Variants in FGF12 observed in about 807,000 individuals in gnomAD.
FGF12 encodes the protein fibroblast growth factor 12B.
A neutral mutation model predicts 23.6 loss-of-function variants in FGF12; 14 were observed. The observed-to-expected ratio is 0.59, with a 90% CI of 0.39 to 0.93. FGF12 has a LOEUF of 0.93. Among genes scored for constraint, FGF12 ranks in the 40% least tolerant of loss-of-function variants. FGF12 has a pLI of 0.00. For missense variants in FGF12, 175 were observed against 217.8 expected (o/e 0.80, Z 1.24); for synonymous variants, 62 against 77.3 (o/e 0.80, Z 1.04).
chr3:192,336,332 T>C lies in FGF12; in HGVS notation c.125-868A>G, dbSNP rs1016027379. Among the ~76,000 whole-genome samples the C allele has an allele frequency of 2.6e-5, 4 of 152,082 alleles. No individual in the cohort carries two copies. The highest frequency in any genetic ancestry group is 6.6e-5 in the Admixed American group (1 of 15,240). ...ATCACTCAAAATACTCAATAGTCTATATGTCCACTTAGAGAAGGAATTCGT... is the reference window on the plus strand; with the variant it reads ...ATCACTCAAAATACTCAATAGTCTACATGTCCACTTAGAGAAGGAATTCGT... On this transcript the variant is annotated intron_variant, in intron 3 of 5. Coordinates refer to ENST00000445105, the MANE Select transcript of FGF12 (RefSeq NM_004113.6). This position sits in a 1 kb window ranked among gnomAD's most constrained non-coding sequence, Gnocchi z 4.3.
intron 4 of FGF12, among the ~76,000 whole-genome samples, chr3:192,282,519 T>C (rs770900088): frequency 6.6e-6 from 1 of 152,146 alleles, no homozygotes. Context: ...GTGTACTATG[T>C]ACCAAAATCA....
intron 2 of FGF12, among the ~76,000 whole-genome samples, chr3:192,361,780 T>C (rs538170791): frequency 3.3e-5 from 5 of 152,192 alleles, no homozygotes; most frequent in African/African-American, 1.2e-4. Flanking sequence ...GTTGGGACTT[T>C]TGCACATGTG....
At chr3:192,497,475 T>C (rs1723997948) in intron 2 of FGF12, among the ~76,000 whole-genome samples, 1 of 152,264 alleles carries the variant, frequency 6.6e-6, no homozygotes, top group East Asian at 1.9e-4. Flanking sequence ...AAATGGCTCA[T>C]GCCACCGTTG....
At chr3:192,312,108 T>C (rs1419355237) in intron 4 of FGF12, among the ~76,000 whole-genome samples, 1 of 152,150 alleles carries the variant, frequency 6.6e-6, no homozygotes, top group African/African-American at 2.4e-5. Context: ...TCTCCCATTC[T>C]GTGGATTGAT....
chr3:192,538,387 A>T (rs999850872), intron 2 of FGF12, among the ~76,000 whole-genome samples: 2 of 152,092 alleles, frequency 1.3e-5, no homozygotes, highest in Non-Finnish European at 2.9e-5. Context: ...CTTTTCCCCA[A>T]TGTATGTCCT....
At chr3:192,483,857 C>G (rs1723549036) in intron 2 of FGF12, among the ~76,000 whole-genome samples, 1 of 152,106 alleles carries the variant, frequency 6.6e-6, no homozygotes, top group African/African-American at 2.4e-5. Flanking sequence ...GGCTGTGCCA[C>G]ACATCAATAG....
At chr3:192,286,760 T>C (rs1373262409) in intron 4 of FGF12, among the ~76,000 whole-genome samples, 1 of 152,034 alleles carries the variant, frequency 6.6e-6, no homozygotes, top group Non-Finnish European at 1.5e-5. Context: ...TTAATTATCT[T>C]CATTTTTATC....
chr3:192,531,399 G>A (rs931650742), intron 2 of FGF12, among the ~76,000 whole-genome samples: 1 of 152,126 alleles, frequency 6.6e-6, no homozygotes, highest in Admixed American at 6.5e-5. Flanking sequence ...CTAATAGTCT[G>A]CCTTGAGGTT....
At chr3:192,378,111 TTCTC>T (rs201527040) in intron 2 of FGF12, among the ~76,000 whole-genome samples, 1 of 106,862 alleles carries the variant, frequency 9.4e-6, no homozygotes, top group Non-Finnish European at 1.9e-5. Context: ...CTTTCCTTCT[TTCTC>T]TCTTTGTTTT....
chr3:192,369,453 T>C (rs1719126281), intron 2 of FGF12, among the ~76,000 whole-genome samples: 1 of 152,202 alleles, frequency 6.6e-6, no homozygotes, highest in African/African-American at 2.4e-5. Context: ...AGACAGGCAA[T>C]CCTCAATCTT....
intron 2 of FGF12, among the ~76,000 whole-genome samples, chr3:192,485,431 T>C (rs954953764): frequency 2.6e-5 from 4 of 152,200 alleles, no homozygotes; most frequent in Non-Finnish European, 5.9e-5. Context: ...GACATTTTAC[T>C]TAGCAGGCAT....
chr3:192,531,148 T>C (rs1725079590), intron 2 of FGF12, among the ~76,000 whole-genome samples: 2 of 152,228 alleles, frequency 1.3e-5, no homozygotes, highest in South Asian at 4.1e-4. Flanking sequence ...AGAAAAATAT[T>C]GGACAGCAAG....
intron 4 of FGF12, among the ~76,000 whole-genome samples, chr3:192,172,622 GT>G (rs1261069665): frequency 6.6e-6 from 1 of 150,772 alleles, no homozygotes; most frequent in Non-Finnish European, 1.5e-5. Flanking sequence ...AAAGGCTATA[GT>G]TTAAAAATGG....
At chr3:192,559,813 A>C (rs1323930219) in intron 2 of FGF12, among the ~76,000 whole-genome samples, 1 of 142,900 alleles carries the variant, frequency 7.0e-6, no homozygotes, top group African/African-American at 2.6e-5. Flanking sequence ...GGAACCTAAA[A>C]CTCCTCTAAA....
intron 4 of FGF12, among the ~76,000 whole-genome samples, chr3:192,233,979 T>G (rs1719154029): frequency 6.6e-6 from 1 of 152,166 alleles, no homozygotes; most frequent in Non-Finnish European, 1.5e-5. Context: ...TAATATAGTT[T>G]GAAGTTTGAT....
chr3:192,471,151 G>C (rs550911570), intron 2 of FGF12, among the ~76,000 whole-genome samples: 1 of 152,142 alleles, frequency 6.6e-6, no homozygotes, highest in African/African-American at 2.4e-5. Flanking sequence ...GCCTGGCAAG[G>C]ATTAGATGCT....
intron 2 of FGF12, among the ~76,000 whole-genome samples, chr3:192,706,752 C>T (rs1196948641): frequency 1.3e-5 from 2 of 152,172 alleles, no homozygotes; most frequent in Admixed American, 6.6e-5. Flanking sequence ...TAAACTTGAA[C>T]CCTGACCTTT....
chr3:192,324,829 T>G (rs1271788049), intron 4 of FGF12, among the ~76,000 whole-genome samples: 1 of 152,206 alleles, frequency 6.6e-6, no homozygotes, highest in Non-Finnish European at 1.5e-5. Flanking sequence ...TTCAAATAAT[T>G]TAACCAAAGG....
At chr3:192,267,036 C>A (rs533745618) in intron 4 of FGF12, 1 of 152,236 alleles carries the variant, frequency 6.6e-6, no homozygotes, top group African/African-American at 2.4e-5. Context: ...ATGTTTCATG[C>A]TAATTTAAAT....
Sources: gnomAD v4.1 joint callset for allele counts (sites outside exome capture counted in the v4.1 genomes callset) on GRCh38, gnomAD v4.1.1 for gene constraint, Gnocchi (gnomAD v3.1) non-coding constraint, MANE v1.5 for transcripts, NCBI Gene and HGNC (gene_info 2026-07-23, HGNC 2026-07-21) for gene names.